Variants in RIF1 observed in about 807,000 individuals in gnomAD.
RIF1 encodes telomere-associated protein RIF1.
Under a neutral mutation model 247.1 loss-of-function variants are expected in RIF1, and 45 were observed. The ratio of observed to expected loss-of-function variants is 0.18; its 90% CI spans 0.14 to 0.23. RIF1 has a LOEUF of 0.23. Among genes scored for constraint, RIF1 ranks in the 10% least tolerant of loss-of-function variants. The pLI is 1.00. For synonymous variants in RIF1, 1,087 were observed against 978.8 expected (o/e 1.11, Z -2.06); for missense variants, 2,967 against 2,862.5 (o/e 1.04, Z -0.83).
At chr2:151,504,952 C>G (rs114266322) in intron 12 of RIF1, among the ~76,000 whole-genome samples, 87 of 152,092 alleles carry the variant, frequency 5.7e-4, no homozygotes, top group African/African-American at 2.0e-3. Flanking sequence ...GCAAAGAATA[C>G]AGGAGAAGAA....
intron 10 of RIF1, among the ~76,000 whole-genome samples, chr2:151,499,059 A>ATGTT (rs1490244356): frequency 6.6e-6 from 1 of 152,144 alleles, no homozygotes; most frequent in Non-Finnish European, 1.5e-5. Context: ...GACACTGAGA[A>ATGTT]TGTTACATTT....
At chr2:151,449,387 A>G (rs1002217891) in intron 20 of RIF1, among the ~76,000 whole-genome samples, 4 of 152,298 alleles carry the variant, frequency 2.6e-5, no homozygotes, top group East Asian at 3.9e-4. Context: ...ACCAATTTAT[A>G]TAGTGTAAAA....
chr2:151,532,020 G>T, the RIF1 span: 1 of 625,594 alleles, frequency 1.6e-6, no homozygotes, highest in Non-Finnish European at 2.8e-6. Context: ...TTCCTAACTG[G>T]AAATGTTTAC....
At chr2:151,443,748 CT>C (rs377346375) in intron 18 of RIF1, 39 bp downstream of exon 18, 10,339 of 1,116,652 alleles carry the variant, frequency 9.3e-3, no homozygotes, top group South Asian at 0.014. Flanking sequence ...GATAATAGAC[CT>C]TTTTTTTTTG....
intron 9 of RIF1, among the ~76,000 whole-genome samples, chr2:151,489,431 C>T (rs2054217115): frequency 6.6e-6 from 1 of 152,140 alleles, no homozygotes; most frequent in Non-Finnish European, 1.5e-5. Context: ...CAGGGTCTCC[C>T]TCTGTCATCC....
chr2:151,509,909 A>G (rs1022547087), downstream of RIF1, among the ~76,000 whole-genome samples: 10 of 152,304 alleles, frequency 6.6e-5, no homozygotes, highest in African/African-American at 2.2e-4. Flanking sequence ...CGCCCGACCA[A>G]GAGTTTTTAT....
At chr2:151,487,759 A>G (rs2052198593) in intron 9 of RIF1, among the ~76,000 whole-genome samples, 1 of 151,740 alleles carries the variant, frequency 6.6e-6, no homozygotes, top group Non-Finnish European at 1.5e-5. Context: ...TATTTTATAC[A>G]TACACACATA....
chr2:151,440,780 A>T (rs1341739277), intron 15 of RIF1, among the ~76,000 whole-genome samples: 1 of 152,234 alleles, frequency 6.6e-6, no homozygotes, highest in Non-Finnish European at 1.5e-5. Context: ...CAGTTTATCT[A>T]TTCCCTTGGC....
At chr2:151,450,512 A>G (rs1330220157) in intron 20 of RIF1, among the ~76,000 whole-genome samples, 1 of 151,928 alleles carries the variant, frequency 6.6e-6, no homozygotes, top group Non-Finnish European at 1.5e-5. Flanking sequence ...CTTAAATTCT[A>G]CTAGCTTGAA....
At chr2:151,517,731 T>G in the RIF1 span, among the ~76,000 whole-genome samples, 1 of 152,190 alleles carries the variant, frequency 6.6e-6, no homozygotes, top group East Asian at 1.9e-4. Context: ...CAAGAGTATT[T>G]GTGTATCTTG....
In RIF1 at chr2:151,414,792, G is replaced by A. The variant is rs1387766536; in HGVS notation, c.184-31G>A. On this transcript the variant is annotated intron_variant, in intron 3 of 35. Coordinates refer to ENST00000444746, the MANE Select transcript of RIF1 (RefSeq NM_018151.5). The stretch of plus-strand genomic sequence containing the variant: ...TAAAAATTGATTTACAGTTGTGCTT[G>A]TTTGTAATAAATGTGATTTTGTTTT... 8 of 1,498,098 alleles carry A rather than the reference G, an allele frequency of 5.3e-6. No individual in the cohort carries two copies. The African/African-American group carries it at 1.1e-4, about 21-fold the overall frequency. 92.8% of individuals were successfully genotyped at this position (1,498,098 alleles called of 1,614,324 possible). A position where few individuals can be genotyped will look rare whatever the true frequency, so the allele number is the denominator to read the frequency against.
rs1388560273 is a variant in RIF1, at chr2:151,475,308, A to G, written c.*237A>G. On this transcript the variant is annotated 3_prime_UTR_variant, in exon 36 of 36. Transcript: ENST00000444746. ...GCTGCTATGCGTGGTTTTTCAGGAA[A>G]TTTAATTATCTTACTGAGATGTGAA... 8 of 460,516 alleles carry G rather than the reference A, an allele frequency of 1.7e-5. 1 individual carries two copies. The highest frequency in any genetic ancestry group is 1.3e-4 in the East Asian group (3 of 23,130). 28.5% of individuals were successfully genotyped at this position (460,516 alleles called of 1,614,324 possible). A position where few individuals can be genotyped will look rare whatever the true frequency, so the allele number is the denominator to read the frequency against.
chr2:151,465,305 G>C lies in RIF1; in HGVS notation c.5785G>C (p.Gly1929Arg). 6.2e-7 allele frequency: 1 copy of C among 1,613,386 alleles called. No homozygotes were observed. Among genetic ancestry groups the C allele is most frequent in the Non-Finnish European group, 8.5e-7 (1 of 1,179,880 alleles). Residue 1929 changes from glycine to arginine, a missense_variant, in exon 30 of 36, where the codon GGA becomes CGA. Gly to Arg is a moderately radical substitution (Grantham distance 125). This residue lies in a region of RIF1 where 2,028 missense variants were observed against 1,825.6 expected (regional missense o/e 1.11). Transcript: ENST00000444746. ...LNVGNEASFH[G>R]QERTKTGISE... ...TGTAGGAAATGAAGCTAGCTTTCATGGACAAGAGAGAACCAAAACTGGTAT... is the reference window on the plus strand; with the variant it reads ...TGTAGGAAATGAAGCTAGCTTTCATCGACAAGAGAGAACCAAAACTGGTAT...
intron 20 of RIF1, among the ~76,000 whole-genome samples, chr2:151,447,063 C>T (rs1693418843): frequency 6.6e-6 from 1 of 151,654 alleles, no homozygotes; most frequent in South Asian, 2.1e-4. Flanking sequence ...CCTGCCTCAG[C>T]CTCCCGAGTA....
intron 8 of RIF1, among the ~76,000 whole-genome samples, chr2:151,427,104 C>T (rs1267563969): frequency 6.6e-6 from 1 of 151,764 alleles, no homozygotes; most frequent in Non-Finnish European, 1.5e-5. Flanking sequence ...GGTTTATAGC[C>T]TGTTAAGATT....
In RIF1 at chr2:151,418,188, ATAAAT is replaced by A. The variant is rs978995314; in HGVS notation, c.503+1291_503+1295del. Among the ~76,000 whole-genome samples the A allele has an allele frequency of 6.6e-5, 10 of 152,300 alleles. No homozygotes were observed. In the East Asian group the frequency reaches 7.7e-4, roughly 12 times the overall value. ...CTAAATCTATAAAAACATTTTTAAA[ATAAAT>A]TAACCTCTACTTTCTGTAACTTTAT... is the stretch of plus-strand genomic sequence containing the variant. On this transcript the variant is annotated intron_variant, in intron 6 of 35. Transcript: ENST00000444746.
At position 151,462,318 on chromosome 2, in the gene RIF1, C is replaced by T; in HGVS notation, c.3304C>T (p.Pro1102Ser). The T allele has an allele frequency of 5.1e-6, 8 of 1,569,250 alleles. No individual in the cohort carries two copies. Among genetic ancestry groups the T allele is most frequent in the Non-Finnish European group, 6.1e-6 (7 of 1,152,600 alleles). Residue 1102 changes from proline to serine, a missense_variant, in exon 28 of 36, where the codon CCT (proline) becomes TCT (serine). By Grantham distance (74) the Pro-to-Ser change is moderately conservative. Around this residue, in one of 7 missense-constraint regions of RIF1, gnomAD observed 2,028 missense variants for 1,825.6 expected, o/e 1.11. Coordinates refer to ENST00000444746, the MANE Select transcript of RIF1 (RefSeq NM_018151.5). Reference sequence around the variant, plus strand: ...ATTTACTCAGTATAGTCAGGAAGAGCCTATGTAAGTACAGAAGCCATCAAA... The same window carrying T: ...ATTTACTCAGTATAGTCAGGAAGAGTCTATGTAAGTACAGAAGCCATCAAA... Reference protein sequence around the residue: ...TLFTQYSQEEPMEIPTLTRKP... With the variant: ...TLFTQYSQEESMEIPTLTRKP...
At chr2:151,445,236 G>A (rs1693048434) in intron 18 of RIF1, 102 bp from the exon 19 acceptor site, 2 of 726,714 alleles carry the variant, frequency 2.8e-6, no homozygotes, top group Non-Finnish European at 4.9e-6. Context: ...TCTCATCATT[G>A]GGGAACACAG....
At chr2:151,490,860 T>C (rs2055911955) in intron 9 of RIF1, among the ~76,000 whole-genome samples, 1 of 152,212 alleles carries the variant, frequency 6.6e-6, no homozygotes, top group Non-Finnish European at 1.5e-5. Flanking sequence ...CATCTTTAAC[T>C]TCTCCAGAAA....
Sources: allele counts gnomAD v4.1 joint callset (sites outside exome capture counted in the v4.1 genomes callset), GRCh38; gene constraint gnomAD v4.1.1; regional missense constraint gnomAD v4.1.1; transcripts MANE v1.5; gene names NCBI Gene and HGNC (gene_info 2026-07-23, HGNC 2026-07-21).